The following RANBP2 variants were observed in gnomAD, a reference collection of about 807,000 sequenced individuals.
RANBP2 encodes RAN binding protein 2, also known as E3 SUMO-protein ligase RanBP2.
A neutral mutation model predicts 303.6 loss-of-function variants in RANBP2; 57 were observed. The ratio of observed to expected loss-of-function variants is 0.19; its 90% confidence interval spans 0.15 to 0.23. The LOEUF is 0.23. RANBP2 is among the 10% of genes least tolerant of loss of function. The pLI is 1.00. For synonymous variants in RANBP2, 1,167 were observed against 1,301.5 expected, an observed-to-expected ratio of 0.90 and a Z score of 2.23; for missense variants, 3,138 against 3,780.8, an observed-to-expected ratio of 0.83 and a Z score of 4.46.
the RANBP2 span, chr2:109,545,239 A>G: frequency 1.5e-6 from 2 of 1,355,242 alleles, no homozygotes; most frequent in Non-Finnish European, 1.9e-6. Flanking sequence ...AGGCATGATG[A>G]ATTTCCTCAA....
the RANBP2 span, among the ~76,000 whole-genome samples, chr2:108,833,046 T>A: frequency 6.6e-6 from 1 of 152,338 alleles, no homozygotes; most frequent in East Asian, 1.9e-4. Flanking sequence ...TGATTCCAAC[T>A]ATAATGACAT....
At chr2:109,673,288 G>T in the RANBP2 span, among the ~76,000 whole-genome samples, 4 of 152,168 alleles carry the variant, frequency 2.6e-5, no homozygotes, top group Admixed American at 6.5e-5. Flanking sequence ...TTTCTTCCCA[G>T]TTGACTGAAT....
the RANBP2 span, among the ~76,000 whole-genome samples, chr2:109,044,223 T>A: frequency 7.9e-5 from 12 of 152,192 alleles, no homozygotes; most frequent in African/African-American, 2.9e-4. Context: ...ATAGAAATTT[T>A]AAAAAATAAA....
At chr2:109,381,174 T>TG in the RANBP2 span, among the ~76,000 whole-genome samples, 2 of 152,178 alleles carry the variant, frequency 1.3e-5, no homozygotes, top group African/African-American at 4.8e-5. Context: ...TACTCAGGAC[T>TG]GGAAGTGTGT....
the RANBP2 span, among the ~76,000 whole-genome samples, chr2:109,206,115 A>C: frequency 6.6e-6 from 1 of 151,980 alleles, no homozygotes; most frequent in Non-Finnish European, 1.5e-5. Context: ...GACCCAAGCC[A>C]CCCCTCTCTC....
At chr2:109,172,343 G>A in the RANBP2 span, among the ~76,000 whole-genome samples, 45 of 152,320 alleles carry the variant, frequency 3.0e-4, 1 homozygote, top group East Asian at 7.7e-3. Context: ...GCGAGCCAGC[G>A]GTCAAACCCC....
At chr2:109,761,334 C>G in the RANBP2 span, among the ~76,000 whole-genome samples, 1 of 151,226 alleles carries the variant, frequency 6.6e-6, no homozygotes. Context: ...TTTCTCCGTG[C>G]CGGTATTCCA....
chr2:109,743,718 C>T, the RANBP2 span, among the ~76,000 whole-genome samples: 2 of 93,674 alleles, frequency 2.1e-5, 1 homozygote, highest in African/African-American at 6.0e-5. Flanking sequence ...TATGAACGAT[C>T]CTGTCACTCA....
chr2:109,473,012 G>A, the RANBP2 span, among the ~76,000 whole-genome samples: 1 of 152,220 alleles, frequency 6.6e-6, no homozygotes, highest in Non-Finnish European at 1.5e-5. Context: ...TTAGTGAAAA[G>A]ATAATGTGTT....
At chr2:109,202,314 G>T in the RANBP2 span, among the ~76,000 whole-genome samples, 1 of 152,160 alleles carries the variant, frequency 6.6e-6, no homozygotes, top group Non-Finnish European at 1.5e-5. Flanking sequence ...GGGGAGCGAT[G>T]GATAATGAAA....
chr2:109,522,905 T>G, the RANBP2 span, among the ~76,000 whole-genome samples: 8,351 of 152,314 alleles, frequency 0.055, 692 homozygotes, highest in East Asian at 0.24. Context: ...TTCAAAATAC[T>G]CGTGTGTTTA....
the RANBP2 span, among the ~76,000 whole-genome samples, chr2:109,716,485 C>T: frequency 6.6e-6 from 1 of 151,988 alleles, no homozygotes; most frequent in Non-Finnish European, 1.5e-5. Context: ...CTCCTGACCT[C>T]GTGATCCACC....
the RANBP2 span, among the ~76,000 whole-genome samples, chr2:108,990,600 C>CAGAAA: frequency 0.011 from 1,716 of 151,976 alleles, 21 homozygotes; most frequent in Middle Eastern, 0.02. Context: ...TGTCTCAAAA[C>CAGAAA]AGAAAAGAAA....
chr2:109,634,025 C>T, the RANBP2 span, among the ~76,000 whole-genome samples: 2 of 139,762 alleles, frequency 1.4e-5, no homozygotes, highest in African/African-American at 2.7e-5. Context: ...GAGGCTGAGA[C>T]AGCAGAATCA....
At chr2:109,284,695 C>G in the RANBP2 span, among the ~76,000 whole-genome samples, 6 of 152,282 alleles carry the variant, frequency 3.9e-5, no homozygotes, top group African/African-American at 1.4e-4. Flanking sequence ...GAGACCCTTC[C>G]CAGTCTAGGC....
chr2:109,698,175 C>G, the RANBP2 span, among the ~76,000 whole-genome samples: 6 of 152,000 alleles, frequency 3.9e-5, no homozygotes, highest in African/African-American at 1.4e-4. Flanking sequence ...CACTTTAGAT[C>G]TATTGCTGTG....
At chr2:109,543,920 C>A in the RANBP2 span, 1 of 473,758 alleles carries the variant, frequency 2.1e-6, no homozygotes, top group Non-Finnish European at 3.7e-6. Context: ...TGTTTCACAT[C>A]CACCTTATAC....
the RANBP2 span, among the ~76,000 whole-genome samples, chr2:108,836,954 T>A: frequency 3.3e-5 from 5 of 152,114 alleles, no homozygotes; most frequent in African/African-American, 1.2e-4. Flanking sequence ...TTTTTTTTTT[T>A]AATTGTGGAA....
At chr2:109,029,266 CATT>C in the RANBP2 span, among the ~76,000 whole-genome samples, 1 of 152,356 alleles carries the variant, frequency 6.6e-6, no homozygotes, top group African/African-American at 2.4e-5. Flanking sequence ...TCCCAGCCCC[CATT>C]CACCCCCATG....
Sources: gnomAD v4.1 joint callset for allele counts (sites outside exome capture counted in the v4.1 genomes callset) on GRCh38, gnomAD v4.1.1 for gene constraint, MANE v1.5 for transcripts, NCBI Gene and HGNC (gene_info 2026-07-23, HGNC 2026-07-21) for gene names.